The following MAGI2 variants were observed in gnomAD, a reference collection of about 807,000 sequenced individuals.
MAGI2 encodes membrane associated guanylate kinase, WW and PDZ domain containing 2.
A neutral mutation model predicts 133.3 loss-of-function variants in MAGI2; 35 were observed. The ratio of observed to expected loss-of-function variants is 0.26; its 90% confidence interval spans 0.20 to 0.35. MAGI2 has a LOEUF of 0.35. MAGI2 is among the 10% of genes least tolerant of loss of function. The probability of loss-of-function intolerance (pLI) is 1.00; values close to 1 mark genes in which losing one functional copy is unlikely to be tolerated. For missense variants in MAGI2, 1,636 were observed against 1,863.4 expected (o/e 0.88, Z 2.25); for synonymous variants, 729 against 710.6 (o/e 1.03, Z -0.41).
rs1290622672 is a variant in MAGI2 at position 78,079,094 on chromosome 7, TA to T, written c.3568-10del. ...ATGATTTGATCTCCTACCTGTTGATTAAAGAAAAATTAAGTCAGCCAAAGAT... is the reference window on the plus strand; with the variant it reads ...ATGATTTGATCTCCTACCTGTTGATTAAGAAAAATTAAGTCAGCCAAAGAT... On this transcript the variant is annotated splice_polypyrimidine_tract_variant and intron_variant, in intron 20 of 21. Transcript: ENST00000354212. 1.9e-6 allele frequency: 3 copies of T among 1,611,756 alleles called. No individual in the cohort carries two copies. In the Admixed American group the frequency reaches 5.0e-5, roughly 27 times the overall value.
chr7:78,788,887 T>C (rs1827049810), intron 2 of MAGI2, among the ~76,000 whole-genome samples: 2 of 152,092 alleles, frequency 1.3e-5, no homozygotes, highest in African/African-American at 4.8e-5. Flanking sequence ...AACTCCTTCC[T>C]CCCTGGAGAC....
At chr7:78,274,535 C>T (rs113303836) in intron 9 of MAGI2, among the ~76,000 whole-genome samples, 29,546 of 152,032 alleles carry the variant, frequency 0.19, 3,312 homozygotes, top group South Asian at 0.31. Flanking sequence ...AAGCTGTGCC[C>T]AGAACCGCCC....
chr7:78,666,051 T>G (rs1813540169), intron 2 of MAGI2, among the ~76,000 whole-genome samples: 1 of 152,026 alleles, frequency 6.6e-6, no homozygotes, highest in South Asian at 2.1e-4. Context: ...AACTGAAAGG[T>G]AGTCAATGGA....
intron 1 of MAGI2, among the ~76,000 whole-genome samples, chr7:79,232,580 T>A (rs1340926012): frequency 1.3e-5 from 1 of 77,440 alleles, no homozygotes; most frequent in Non-Finnish European, 2.4e-5. Flanking sequence ...TTTATTTGCG[T>A]AGAGGTGTTT....
intron 20 of MAGI2, among the ~76,000 whole-genome samples, chr7:78,087,085 C>T (rs532072419): frequency 3.4e-4 from 52 of 152,300 alleles, no homozygotes; most frequent in African/African-American, 1.1e-3. Flanking sequence ...GGGATGATAT[C>T]ATCCAGACAG....
intron 2 of MAGI2, chr7:78,940,928 G>A (rs1199747213): frequency 6.6e-6 from 1 of 152,160 alleles, no homozygotes; most frequent in Non-Finnish European, 1.5e-5. Flanking sequence ...TTTTGAAAAT[G>A]TGTCTTCATT....
At chr7:78,664,189 TTA>T (rs1813286437) in intron 2 of MAGI2, among the ~76,000 whole-genome samples, 1 of 152,188 alleles carries the variant, frequency 6.6e-6, no homozygotes, top group Non-Finnish European at 1.5e-5. Flanking sequence ...TACATATTCA[TTA>T]TATATGTGTG....
At chr7:78,046,411 CA>C (rs34472695) in intron 21 of MAGI2, among the ~76,000 whole-genome samples, 40,174 of 146,618 alleles carry the variant, frequency 0.27, 6,093 homozygotes, top group African/African-American at 0.39. Flanking sequence ...CAAAAAAAAA[CA>C]AAAAAAAAAC....
chr7:78,587,089 T>C (rs1803496059), intron 3 of MAGI2, among the ~76,000 whole-genome samples: 1 of 152,232 alleles, frequency 6.6e-6, no homozygotes, highest in African/African-American at 2.4e-5. Context: ...TTTTTGGGTA[T>C]ATACCCAGAA....
At chr7:78,507,408 A>G (rs34302036) in intron 4 of MAGI2, among the ~76,000 whole-genome samples, 96,277 of 151,886 alleles carry the variant, frequency 0.63, 31,518 homozygotes, top group African/African-American at 0.8. Context: ...AAAGTAGAAT[A>G]TTTAGGGGAA....
chr7:78,774,554 T>C (rs1361923137), intron 2 of MAGI2, among the ~76,000 whole-genome samples: 1 of 152,178 alleles, frequency 6.6e-6, no homozygotes, highest in Non-Finnish European at 1.5e-5. Flanking sequence ...CAGGGCCATG[T>C]TGCCTTGTCA....
chr7:78,079,216 T>C (rs1815696750), intron 20 of MAGI2, 131 bp from the exon 21 acceptor site: 1 of 816,398 alleles, frequency 1.2e-6, no homozygotes, highest in Non-Finnish European at 2.0e-6. Flanking sequence ...CTGCTGCTTT[T>C]TGGAAGAGGC....
intron 9 of MAGI2, among the ~76,000 whole-genome samples, chr7:78,311,673 T>C (rs113305904): frequency 1.3e-5 from 2 of 152,154 alleles, no homozygotes; most frequent in African/African-American, 4.8e-5. Context: ...TCAATAGAGA[T>C]AAAATATCTT....
At chr7:79,034,126 T>G (rs1198189832) in intron 1 of MAGI2, among the ~76,000 whole-genome samples, 3 of 152,198 alleles carry the variant, frequency 2.0e-5, no homozygotes, top group Admixed American at 6.5e-5. Context: ...TTTGCTATCA[T>G]AATGCCACTG....
At chr7:78,481,417 G>A (rs535313047) in intron 6 of MAGI2, among the ~76,000 whole-genome samples, 46 of 152,058 alleles carry the variant, frequency 3.0e-4, no homozygotes, top group Non-Finnish European at 5.6e-4. Context: ...CCATAATTCA[G>A]TCATTTCCCT....
intron 13 of MAGI2, among the ~76,000 whole-genome samples, chr7:78,182,444 A>C (rs1341042552): frequency 1.3e-5 from 2 of 152,198 alleles, no homozygotes. Context: ...TAGCCATAGT[A>C]GAAGCCATCT....
intron 1 of MAGI2, among the ~76,000 whole-genome samples, chr7:79,105,724 T>C (rs1818395891): frequency 6.6e-6 from 1 of 151,862 alleles, no homozygotes; most frequent in African/African-American, 2.4e-5. Flanking sequence ...CGACTAACCA[T>C]TTTTTTTAGA....
intron 1 of MAGI2, among the ~76,000 whole-genome samples, chr7:79,083,022 A>G (rs1816179903): frequency 6.6e-6 from 1 of 151,522 alleles, no homozygotes. Context: ...GATTTTTTGT[A>G]TATTGATCTT....
At chr7:78,958,576 A>G (rs1802590521) in intron 2 of MAGI2, among the ~76,000 whole-genome samples, 1 of 152,194 alleles carries the variant, frequency 6.6e-6, no homozygotes, top group African/African-American at 2.4e-5. Context: ...GCAGAAAATT[A>G]AATGTATAAA....
Sources: gnomAD v4.1 joint callset for allele counts (sites outside exome capture counted in the v4.1 genomes callset) on GRCh38, gnomAD v4.1.1 for gene constraint, MANE v1.5 for transcripts, NCBI Gene and HGNC (gene_info 2026-07-23, HGNC 2026-07-21) for gene names.